Variants in DNAAF11 observed in about 807,000 individuals in gnomAD.
DNAAF11 encodes the protein dynein axonemal assembly factor 11.
DNAAF11 carries 45 observed loss-of-function variants against 60.8 expected under a neutral mutation model. The observed-to-expected ratio is 0.74, with a 90% CI of 0.58 to 0.95. The LOEUF is 0.95. Ranked by LOEUF, DNAAF11 falls within the 40% of genes least tolerant of loss-of-function variation. The pLI is 0.00. For missense variants in DNAAF11, 546 were observed against 546.2 expected (o/e 1.00, Z 0.00); for synonymous variants, 191 against 183.5 (o/e 1.04, Z -0.33).
intron 10 of DNAAF11, among the ~76,000 whole-genome samples, chr8:132,607,018 G>A (rs1216829376): frequency 6.6e-6 from 1 of 152,176 alleles, no homozygotes; most frequent in Non-Finnish European, 1.5e-5. Context: ...TAGCCTAAGG[G>A]TATAGTGTTT....
Position 132,632,796 on chromosome 8 carries a change from GTCTTC to G in DNAAF11, c.592_596del (p.Glu198GlnfsTer4), listed in dbSNP as rs2130456463. The G allele has an allele frequency of 6.2e-7, 1 of 1,613,908 alleles. No individual in the cohort carries two copies. Among genetic ancestry groups the G allele is most frequent in the East Asian group, 2.2e-5 (1 of 44,856 alleles). ...CATCAAAGCCTGCGTTACTTCTCTT[GTCTTC>G]ATTTTTATCCTCTTCTTGGTGTTTC... On this transcript the variant is annotated frameshift_variant, in exon 5 of 12. Transcript: ENST00000620350. LOFTEE classifies it high-confidence loss of function.
At chr8:132,577,968 G>C (rs531164555) in intron 11 of DNAAF11, among the ~76,000 whole-genome samples, 1 of 152,198 alleles carries the variant, frequency 6.6e-6, no homozygotes, top group African/African-American at 2.4e-5. Flanking sequence ...TGCCTGGCCA[G>C]GCACTTTCTA....
At chr8:132,606,678 A>AT (rs1264995377) in intron 10 of DNAAF11, among the ~76,000 whole-genome samples, 3 of 109,814 alleles carry the variant, frequency 2.7e-5, no homozygotes, top group African/African-American at 1.7e-4. Flanking sequence ...GCTAATTTTA[A>AT]TTTTAATTTT....
intron 1 of DNAAF11, among the ~76,000 whole-genome samples, chr8:132,674,991 G>C (rs1367394457): frequency 1.3e-5 from 2 of 152,220 alleles, no homozygotes; most frequent in African/African-American, 4.8e-5. Flanking sequence ...AAGGGGTGAA[G>C]TCACTCGCTC....
intron 3 of DNAAF11, among the ~76,000 whole-genome samples, chr8:132,653,945 C>A (rs1411598989): frequency 2.0e-5 from 3 of 151,980 alleles, no homozygotes; most frequent in African/African-American, 7.2e-5. Context: ...GGGTTAATCT[C>A]CCAAATTAAA....
intron 5 of DNAAF11, among the ~76,000 whole-genome samples, chr8:132,630,962 C>A (rs1163071350): frequency 6.6e-6 from 1 of 152,104 alleles, no homozygotes; most frequent in Non-Finnish European, 1.5e-5. Flanking sequence ...CTCTAGAAAA[C>A]AATTTGGCAA....
At chr8:132,656,502 G>A (rs1049547526) in intron 3 of DNAAF11, among the ~76,000 whole-genome samples, 5 of 152,020 alleles carry the variant, frequency 3.3e-5, no homozygotes, top group South Asian at 2.1e-4. Context: ...ACGGAGTTTC[G>A]CTGTTGTTGC....
intron 3 of DNAAF11, among the ~76,000 whole-genome samples, chr8:132,650,514 CAATAAAAAATAAA>C (rs1586694011): frequency 1.3e-5 from 2 of 151,590 alleles, no homozygotes; most frequent in African/African-American, 4.9e-5. Flanking sequence ...ACTTAAAGTA[CAATAAAAAATAAA>C]AATAAAAAAT....
intron 5 of DNAAF11, among the ~76,000 whole-genome samples, chr8:132,630,378 A>T (rs1274048993): frequency 6.6e-6 from 1 of 152,182 alleles, no homozygotes; most frequent in Admixed American, 6.5e-5. Flanking sequence ...TAGCACCTTA[A>T]TCAATGGTGC....
chr8:132,660,990 C>A (rs1323123552), intron 2 of DNAAF11, among the ~76,000 whole-genome samples: 1 of 152,146 alleles, frequency 6.6e-6, no homozygotes, highest in African/African-American at 2.4e-5. Flanking sequence ...CATTCCAAAT[C>A]GGAAGCCCCT....
rs573234658 is a variant in DNAAF11 at position 132,583,393 on chromosome 8, A to T, written c.1226+301T>A. The stretch of plus-strand genomic sequence containing the variant: ...AATGTATTTAATATGGGTAAAGCAC[A>T]CAGAATAGCACCTGACACGAAGCAA... On this transcript the variant is annotated intron_variant, in intron 11 of 11. Transcript: ENST00000620350. 4.6e-5 allele frequency among the ~76,000 whole-genome samples: 7 copies of T among 152,324 alleles called. No individual in the cohort carries two copies. The East Asian group carries it at 1.2e-3, about 25-fold the overall frequency.
intron 11 of DNAAF11, among the ~76,000 whole-genome samples, chr8:132,580,789 A>G (rs1010997734): frequency 6.6e-6 from 1 of 152,212 alleles, no homozygotes; most frequent in Non-Finnish European, 1.5e-5. Flanking sequence ...AATTCCAAAG[A>G]AAATCCCAAT....
intron 1 of DNAAF11, among the ~76,000 whole-genome samples, chr8:132,668,770 T>A (rs1325129246): frequency 1.3e-5 from 2 of 152,140 alleles, no homozygotes; most frequent in African/African-American, 4.8e-5. Flanking sequence ...TGTGAGTAGA[T>A]GTTTGTTAGA....
In DNAAF11 at chr8:132,632,807, T is replaced by C; in HGVS notation, c.586A>G (p.Lys196Glu). ...GCGTTACTTCTCTTGTCTTCATTTT[T>C]ATCCTCTTCTTGGTGTTTCCTCTGA... is the stretch of plus-strand genomic sequence containing the variant. ...EAQRKHQEEDKNEDKRSNAGF... is the reference protein window; with the variant it reads ...EAQRKHQEEDENEDKRSNAGF... Residue 196 changes from lysine (K) to glutamate (E), a missense_variant, in exon 5 of 12, where the codon AAA becomes GAA. By Grantham distance (56) the Lys-to-Glu change is moderately conservative (BLOSUM62 1). Transcript: ENST00000620350. 6.2e-7 allele frequency: 1 copy of C among 1,614,050 alleles called. No homozygotes were observed. The highest frequency in any genetic ancestry group is 8.5e-7 in the Non-Finnish European group (1 of 1,179,938).
chr8:132,651,900 C>A (rs1000027323), intron 3 of DNAAF11, among the ~76,000 whole-genome samples: 1 of 152,074 alleles, frequency 6.6e-6, no homozygotes, highest in African/African-American at 2.4e-5. Flanking sequence ...CAGAAAAATG[C>A]CAATGATGAA....
intron 6 of DNAAF11, among the ~76,000 whole-genome samples, chr8:132,623,050 T>C (rs1399322631): frequency 6.6e-6 from 1 of 152,220 alleles, no homozygotes; most frequent in African/African-American, 2.4e-5. Flanking sequence ...TCTCCATTTG[T>C]GCACAGAGCT....
chr8:132,647,895 A>T (rs1295620017), intron 3 of DNAAF11, among the ~76,000 whole-genome samples: 1 of 152,178 alleles, frequency 6.6e-6, no homozygotes, highest in Non-Finnish European at 1.5e-5. Flanking sequence ...AAAGTCCAGG[A>T]CCAGATGGAT....
chr8:132,646,749 G>A (rs1476844627), intron 3 of DNAAF11, among the ~76,000 whole-genome samples: 3 of 152,132 alleles, frequency 2.0e-5, no homozygotes, highest in Admixed American at 2.0e-4. Flanking sequence ...GACAAAGAAG[G>A]CCATTACATA....
chr8:132,574,389 T>C (rs377305305), intron 11 of DNAAF11, among the ~76,000 whole-genome samples: 1 of 152,216 alleles, frequency 6.6e-6, no homozygotes, highest in Non-Finnish European at 1.5e-5. Flanking sequence ...ATTTGGTTTA[T>C]GCTTTCCTTC....
Sources: gnomAD v4.1 joint callset for allele counts (sites outside exome capture counted in the v4.1 genomes callset) on GRCh38, gnomAD v4.1.1 for gene constraint, MANE v1.5 for transcripts, NCBI Gene and HGNC (gene_info 2026-07-23, HGNC 2026-07-21) for gene names.